FUT8: variants seen among roughly 807,000 people sequenced by gnomAD.
FUT8 encodes the protein fucosyltransferase 8, also known as alpha-(1,6)-fucosyltransferase.
FUT8 carries 29 observed loss-of-function variants against 71.3 expected under a neutral mutation model. That is an observed-to-expected ratio of 0.41 (90% CI 0.30 to 0.55). The LOEUF is 0.55. Among genes scored for constraint, FUT8 ranks in the 20% least tolerant of loss-of-function variants. The pLI, the probability that FUT8 is intolerant of heterozygous loss-of-function variation, is 0.34. For synonymous variants in FUT8, 254 were observed against 239.3 expected (o/e 1.06, Z -0.57); for missense variants, 544 against 702.1 (o/e 0.77, Z 2.55).
chr14:65,525,339 G>A (rs1330396726), intron 2 of FUT8, among the ~76,000 whole-genome samples: 1 of 152,152 alleles, frequency 6.6e-6, no homozygotes, highest in Non-Finnish European at 1.5e-5. Context: ...AGATTTTCTA[G>A]TTTATTTGCA....
At chr14:65,462,648 T>C (rs2065984544) in intron 2 of FUT8, among the ~76,000 whole-genome samples, 1 of 152,244 alleles carries the variant, frequency 6.6e-6, no homozygotes, top group Admixed American at 6.5e-5. Context: ...AGTATCGTAT[T>C]TGAATTCTTT....
intron 2 of FUT8, among the ~76,000 whole-genome samples, chr14:65,524,021 T>C (rs549916026): frequency 1.3e-5 from 2 of 152,346 alleles, no homozygotes; most frequent in Admixed American, 1.3e-4. Context: ...CCTCCAGCTT[T>C]GTTCTTTTGG....
chr14:65,366,215 C>T, the FUT8 span, among the ~76,000 whole-genome samples: 2 of 151,836 alleles, frequency 1.3e-5, no homozygotes, highest in African/African-American at 2.4e-5. Flanking sequence ...AGTAAGTAGC[C>T]GAATGAGAAA....
In FUT8 at chr14:65,669,024, A is replaced by G. The variant is rs1892349339; in HGVS notation, c.598-219A>G. Among the ~76,000 whole-genome samples, 1 of 152,072 alleles carries G rather than the reference A, an allele frequency of 6.6e-6. No homozygotes were observed. The highest frequency in any genetic ancestry group is 2.4e-5 in the African/African-American group (1 of 41,418). On this transcript the variant is annotated intron_variant, in intron 6 of 10. Coordinates refer to ENST00000673929, the MANE Select transcript of FUT8 (RefSeq NM_001371533.1). This position sits in a 1 kb window ranked among gnomAD's most constrained non-coding sequence, Gnocchi z 4.5. The stretch of plus-strand genomic sequence containing the variant: ...AAGAGAATAGTAGACACTGGGGCCT[A>G]CTTGAGGGTGAAAGGTGGGAGGAGG...
rs17102786 is a variant in FUT8 at position 65,581,924 on chromosome 14, A to G, written c.203+20158A>G. Among the ~76,000 whole-genome samples the G allele has an allele frequency of 5.8e-3, 886 of 152,294 alleles. 3 individuals are homozygous for G. Among genetic ancestry groups the G allele is most frequent in the Non-Finnish European group, 9.1e-3 (616 of 67,992 alleles). ...AAATTGTGGTTTAAGAAAGATACACATTGACATTTTGACAGATTTTAATTT... is the reference window on the plus strand; with the variant it reads ...AAATTGTGGTTTAAGAAAGATACACGTTGACATTTTGACAGATTTTAATTT... On this transcript the variant is annotated intron_variant, in intron 3 of 10. Transcript: ENST00000673929.
At chr14:65,737,852 C>T (rs188574792) in intron 10 of FUT8, among the ~76,000 whole-genome samples, 4 of 152,126 alleles carry the variant, frequency 2.6e-5, no homozygotes, top group Non-Finnish European at 5.9e-5. Flanking sequence ...ATTCCAAATC[C>T]GCACGCAATT....
intron 1 of FUT8, among the ~76,000 whole-genome samples, chr14:65,452,009 C>T (rs1374984159): frequency 6.6e-6 from 1 of 152,114 alleles, no homozygotes; most frequent in African/African-American, 2.4e-5. Flanking sequence ...TGGGGACCCA[C>T]CATTTTCTGC....
chr14:65,439,954 G>GTGTGTGTGTATATATATA, intron 1 of FUT8, among the ~76,000 whole-genome samples: 7 of 74,972 alleles, frequency 9.3e-5, no homozygotes, highest in Non-Finnish European at 1.2e-4. Flanking sequence ...GTGTGTGTGT[G>GTGTGTGTGTATATATATA]TATATATATA....
intron 3 of FUT8, among the ~76,000 whole-genome samples, chr14:65,564,487 G>A (rs753100329): frequency 1.3e-5 from 2 of 151,984 alleles, no homozygotes; most frequent in South Asian, 2.1e-4. Flanking sequence ...AAATGTAGAA[G>A]CACAATATAT....
chr14:65,690,092 T>G (rs1893499838), intron 7 of FUT8, among the ~76,000 whole-genome samples: 2 of 152,190 alleles, frequency 1.3e-5, no homozygotes, highest in African/African-American at 4.8e-5. Flanking sequence ...GTTTGTTGTT[T>G]TTGCAAGTAG....
intron 6 of FUT8, among the ~76,000 whole-genome samples, chr14:65,639,509 G>GACACAC (rs10559310): frequency 0.024 from 3,617 of 148,188 alleles, 62 homozygotes; most frequent in Middle Eastern, 0.038. Flanking sequence ...TTCAAATCCA[G>GACACAC]ACACACACAC....
At chr14:65,617,239 T>C in intron 5 of FUT8, 1 of 1,466,306 alleles carries the variant, frequency 6.8e-7, no homozygotes, top group Non-Finnish European at 9.0e-7. Flanking sequence ...TTATAATGAT[T>C]TTGAAAAATT....
chr14:65,555,423 C>T (rs1242777972), intron 2 of FUT8, among the ~76,000 whole-genome samples: 1 of 152,100 alleles, frequency 6.6e-6, no homozygotes, highest in African/African-American at 2.4e-5. Flanking sequence ...CCTTTGCAAG[C>T]CTCATGAGTT....
the FUT8 span, among the ~76,000 whole-genome samples, chr14:65,401,481 T>C: frequency 6.6e-6 from 1 of 152,224 alleles, no homozygotes; most frequent in South Asian, 2.1e-4. Context: ...CAAGACTTCC[T>C]TCTCTGGAGA....
chr14:65,531,090 A>G (rs188907580), intron 2 of FUT8, among the ~76,000 whole-genome samples: 2 of 151,686 alleles, frequency 1.3e-5, no homozygotes, highest in East Asian at 3.9e-4. Context: ...GCTTAAAAGC[A>G]TTGGAAATTG....
intron 2 of FUT8, among the ~76,000 whole-genome samples, chr14:65,542,376 C>G (rs1357132395): frequency 6.6e-6 from 1 of 152,224 alleles, no homozygotes; most frequent in Non-Finnish European, 1.5e-5. Context: ...TCAGATCCCT[C>G]TGTGTCCTAA....
At chr14:65,546,332 T>C (rs1256356570) in intron 2 of FUT8, among the ~76,000 whole-genome samples, 1 of 151,852 alleles carries the variant, frequency 6.6e-6, no homozygotes, top group Non-Finnish European at 1.5e-5. Context: ...AATCTATTCT[T>C]TATTGAGCTT....
At chr14:65,593,127 T>G in intron 3 of FUT8, among the ~76,000 whole-genome samples, 1 of 152,194 alleles carries the variant, frequency 6.6e-6, no homozygotes, top group East Asian at 1.9e-4. Flanking sequence ...TTCTATAGGA[T>G]TTCCAGTGTA....
chr14:65,462,405 C>A (rs1380531165), intron 2 of FUT8, among the ~76,000 whole-genome samples: 1 of 152,146 alleles, frequency 6.6e-6, no homozygotes, highest in African/African-American at 2.4e-5. Flanking sequence ...CACTCTCAGG[C>A]TGAGTTCATA....
Sources: gnomAD v4.1 joint callset for allele counts (sites outside exome capture counted in the v4.1 genomes callset) on GRCh38, gnomAD v4.1.1 for gene constraint, Gnocchi (gnomAD v3.1) non-coding constraint, MANE v1.5 for transcripts, NCBI Gene and HGNC (gene_info 2026-07-23, HGNC 2026-07-21) for gene names.